The following STK32B variants were observed in gnomAD, a reference collection of about 807,000 sequenced individuals.
The protein encoded by STK32B is serine/threonine-protein kinase 32B.
Under a neutral mutation model 52.6 loss-of-function variants are expected in STK32B, and 43 were observed. That is an observed-to-expected ratio of 0.82 (90% CI 0.64 to 1.05). STK32B has a LOEUF of 1.05. STK32B is among the 50% of genes least tolerant of loss of function. STK32B has a pLI of 0.00. For missense variants in STK32B, 621 were observed against 534.6 expected (o/e 1.16, Z -1.59); for synonymous variants, 238 against 204.3 (o/e 1.17, Z -1.41).
intron 6 of STK32B, among the ~76,000 whole-genome samples, chr4:5,443,246 C>G (rs1313490724): frequency 3.9e-4 from 57 of 147,538 alleles, no homozygotes; most frequent in African/African-American, 1.3e-3. Context: ...GTACACCAAT[C>G]AGACGTAGAT....
At chr4:5,361,623 A>G (rs988096544) in intron 4 of STK32B, among the ~76,000 whole-genome samples, 14 of 152,242 alleles carry the variant, frequency 9.2e-5, no homozygotes, top group African/African-American at 2.4e-4. Flanking sequence ...CCAAGGATCA[A>G]TGGCATAGGC....
intron 4 of STK32B, among the ~76,000 whole-genome samples, chr4:5,339,423 T>C (rs188974156): frequency 6.6e-6 from 1 of 152,238 alleles, no homozygotes; most frequent in Non-Finnish European, 1.5e-5. Context: ...TCCTTTCTTA[T>C]GGTTCATAAA....
intron 6 of STK32B, among the ~76,000 whole-genome samples, chr4:5,441,698 G>C (rs1203507204): frequency 4.6e-5 from 7 of 151,214 alleles, no homozygotes; most frequent in African/African-American, 1.7e-4. Flanking sequence ...GTGATGTTAG[G>C]GTGTCAATTT....
chr4:5,345,767 G>A (rs991354891), intron 4 of STK32B, among the ~76,000 whole-genome samples: 1 of 152,216 alleles, frequency 6.6e-6, no homozygotes, highest in Non-Finnish European at 1.5e-5. Context: ...TCAACAACAC[G>A]TATCCATAGA....
intron 1 of STK32B, among the ~76,000 whole-genome samples, chr4:5,082,171 A>G (rs1712476242): frequency 6.6e-6 from 1 of 151,990 alleles, no homozygotes; most frequent in Non-Finnish European, 1.5e-5. Flanking sequence ...TTAATCCTGC[A>G]GATTCAGGCC....
chr4:5,050,146 C>T (rs1333410916), upstream of STK32B, among the ~76,000 whole-genome samples: 1 of 152,138 alleles, frequency 6.6e-6, no homozygotes, highest in East Asian at 1.9e-4. Flanking sequence ...ACACTGGCTA[C>T]TCAGTGTATG....
chr4:5,484,268 ACTCCT>A (rs1718966291), intron 11 of STK32B, among the ~76,000 whole-genome samples: 4 of 151,654 alleles, frequency 2.6e-5, no homozygotes, highest in Non-Finnish European at 5.9e-5. Flanking sequence ...GAATCTGGGT[ACTCCT>A]GTATTGGGTG....
intron 4 of STK32B, among the ~76,000 whole-genome samples, chr4:5,388,606 G>T (rs1425371543): frequency 6.6e-6 from 1 of 152,114 alleles, no homozygotes; most frequent in East Asian, 1.9e-4. Flanking sequence ...GGGAGCTCAG[G>T]GTCTGGTGAA....
At chr4:5,432,310 C>G (rs1713657597) in intron 6 of STK32B, 2 of 152,190 alleles carry the variant, frequency 1.3e-5, no homozygotes, top group Admixed American at 1.3e-4. Flanking sequence ...CCCTTTGAAT[C>G]TGGAGCTGAC....
intron 1 of STK32B, among the ~76,000 whole-genome samples, chr4:5,063,368 A>G (rs1196140096): frequency 1.3e-5 from 2 of 151,986 alleles, no homozygotes; most frequent in Non-Finnish European, 2.9e-5. Flanking sequence ...GTCTTGAGAG[A>G]GTCTCGCTCT....
At chr4:5,254,589 G>A (rs1199788086) in intron 3 of STK32B, among the ~76,000 whole-genome samples, 1 of 152,108 alleles carries the variant, frequency 6.6e-6, no homozygotes, top group Admixed American at 6.5e-5. Flanking sequence ...GGTGAGTTCA[G>A]ATTATTTTCC....
the STK32B span, among the ~76,000 whole-genome samples, chr4:5,027,158 G>A: frequency 6.6e-6 from 1 of 152,216 alleles, no homozygotes; most frequent in African/African-American, 2.4e-5. Flanking sequence ...CCCTGTTTAT[G>A]TGATGTGTTT....
rs533026297 is a variant in STK32B, at chr4:5,058,146, C to T, written c.52+6231C>T. ...GCCTCTGCTTCATCTCTCACAAGTGCTCCATCTGTGAAGTCATCAATATAA... is the reference window on the plus strand; with the variant it reads ...GCCTCTGCTTCATCTCTCACAAGTGTTCCATCTGTGAAGTCATCAATATAA... On this transcript the variant is annotated intron_variant, in intron 1 of 11. Coordinates refer to ENST00000282908, the MANE Select transcript of STK32B (RefSeq NM_018401.3). This position sits in a 1 kb window ranked among gnomAD's most constrained non-coding sequence, Gnocchi z 4.8. Among the ~76,000 whole-genome samples the T allele has an allele frequency of 6.6e-5, 10 of 152,328 alleles. No homozygotes were observed. The highest frequency in any genetic ancestry group is 2.0e-4 in the Admixed American group (3 of 15,300).
At chr4:5,428,682 G>T (rs1008135082) in intron 6 of STK32B, among the ~76,000 whole-genome samples, 1 of 152,072 alleles carries the variant, frequency 6.6e-6, no homozygotes, top group East Asian at 1.9e-4. Flanking sequence ...ACATTGCTCA[G>T]GTTTTGTATG....
intron 3 of STK32B, among the ~76,000 whole-genome samples, chr4:5,214,491 A>C (rs183766349): frequency 6.6e-6 from 1 of 152,146 alleles, no homozygotes; most frequent in Non-Finnish European, 1.5e-5. Flanking sequence ...TTCCAGCATG[A>C]TTTATTGTAG....
At chr4:5,353,756 A>C (rs1733997207) in intron 4 of STK32B, among the ~76,000 whole-genome samples, 1 of 152,160 alleles carries the variant, frequency 6.6e-6, no homozygotes, top group African/African-American at 2.4e-5. Context: ...GCTGGTGAGG[A>C]TGTAAAGAAA....
chr4:5,301,572 T>C (rs934266386), intron 3 of STK32B, among the ~76,000 whole-genome samples: 1 of 151,814 alleles, frequency 6.6e-6, no homozygotes, highest in Non-Finnish European at 1.5e-5. Context: ...AAATTTCTTA[T>C]ACTGTTCTTT....
At chr4:5,357,552 A>G (rs114364157) in intron 4 of STK32B, among the ~76,000 whole-genome samples, 1,697 of 149,160 alleles carry the variant, frequency 0.011, 20 homozygotes, top group South Asian at 0.058. Flanking sequence ...ATGTTTCCTA[A>G]GACAAAACAT....
chr4:5,482,981 C>G (rs532197176), intron 11 of STK32B, among the ~76,000 whole-genome samples: 6 of 152,118 alleles, frequency 3.9e-5, no homozygotes, highest in Non-Finnish European at 5.9e-5. Context: ...CTGCTGGATT[C>G]GGTTTGCCAG....
Sources: gnomAD v4.1 joint callset for allele counts (sites outside exome capture counted in the v4.1 genomes callset) on GRCh38, gnomAD v4.1.1 for gene constraint, Gnocchi (gnomAD v3.1) non-coding constraint, MANE v1.5 for transcripts, NCBI Gene and HGNC (gene_info 2026-07-23, HGNC 2026-07-21) for gene names.